The following SPIDR variants were observed in gnomAD, a reference collection of about 807,000 sequenced individuals.
The protein encoded by SPIDR is scaffold protein involved in DNA repair.
A neutral mutation model predicts 104.6 loss-of-function variants in SPIDR; 93 were observed. The observed-to-expected ratio is 0.89, with a 90% CI of 0.75 to 1.06. The LOEUF is 1.06. Ranked by LOEUF, SPIDR falls within the 50% of genes least tolerant of loss-of-function variation. The pLI, the probability that SPIDR is intolerant of heterozygous loss-of-function variation, is 0.00. For missense variants in SPIDR, 1,154 were observed against 1,111.2 expected, an observed-to-expected ratio of 1.04 and a Z score of -0.55; for synonymous variants, 431 against 416.9, an observed-to-expected ratio of 1.03 and a Z score of -0.41.
At chr8:47,542,917 T>C (rs563089341) in intron 8 of SPIDR, among the ~76,000 whole-genome samples, 60 of 152,388 alleles carry the variant, frequency 3.9e-4, no homozygotes, top group Non-Finnish European at 6.8e-4. Flanking sequence ...ATTTCAATAA[T>C]GCTATGGAAA....
chr8:47,433,778 C>G (rs2067778006), intron 7 of SPIDR, among the ~76,000 whole-genome samples: 1 of 152,182 alleles, frequency 6.6e-6, no homozygotes, highest in Non-Finnish European at 1.5e-5. Context: ...TGGAGTCAGA[C>G]TATGGCTGGA....
chr8:47,412,783 C>T (rs2063718927), intron 7 of SPIDR, among the ~76,000 whole-genome samples: 2 of 152,180 alleles, frequency 1.3e-5, no homozygotes, highest in Non-Finnish European at 2.9e-5. Flanking sequence ...ATGTGAATGA[C>T]CTGGAACTGG....
intron 8 of SPIDR, among the ~76,000 whole-genome samples, chr8:47,504,299 C>T (rs1041144248): frequency 1.3e-5 from 2 of 152,216 alleles, no homozygotes; most frequent in East Asian, 1.9e-4. Flanking sequence ...GGTCTTTTCA[C>T]ATAGTCCCAT....
At chr8:47,293,813 T>C in intron 4 of SPIDR, 54 bp from the exon 5 acceptor site, 2 of 1,513,738 alleles carry the variant, frequency 1.3e-6, no homozygotes, top group Non-Finnish European at 1.8e-6. Flanking sequence ...AAAAGAGATA[T>C]AAAAGTGAAA....
chr8:47,527,604 A>G (rs1461859723), intron 8 of SPIDR: 2 of 152,264 alleles, frequency 1.3e-5, no homozygotes, highest in Non-Finnish European at 2.9e-5. Context: ...CACTCTAGCA[A>G]ACAATAAAGA....
At chr8:47,522,795 A>G (rs1165138167) in intron 8 of SPIDR, among the ~76,000 whole-genome samples, 1 of 152,038 alleles carries the variant, frequency 6.6e-6, no homozygotes, top group Non-Finnish European at 1.5e-5. Flanking sequence ...TTGGTTTTGG[A>G]TAGGTTTTAT....
intron 7 of SPIDR, among the ~76,000 whole-genome samples, chr8:47,439,836 A>G (rs570200319): frequency 6.6e-6 from 1 of 152,120 alleles, no homozygotes; most frequent in Non-Finnish European, 1.5e-5. Flanking sequence ...AGTCCACATA[A>G]CTCTTCAACT....
At chr8:47,589,021 TG>T (rs1396367769) in intron 8 of SPIDR, among the ~76,000 whole-genome samples, 50 of 144,770 alleles carry the variant, frequency 3.5e-4, no homozygotes, top group African/African-American at 1.0e-3. Flanking sequence ...GTTTATAGTT[TG>T]TTTTTTTTTT....
intron 1 of SPIDR, among the ~76,000 whole-genome samples, chr8:47,265,176 C>T (rs1554545630): frequency 1.4e-5 from 2 of 146,936 alleles, no homozygotes; most frequent in African/African-American, 5.1e-5. Context: ...TTAGTATTGA[C>T]ATCTCAGTTG....
chr8:47,638,783 C>T (rs536205603), intron 10 of SPIDR, among the ~76,000 whole-genome samples: 1 of 152,320 alleles, frequency 6.6e-6, no homozygotes, highest in East Asian at 1.9e-4. Flanking sequence ...ACTCCCTGTG[C>T]CATTCCAGAT....
chr8:47,608,153 C>G (rs894666079), intron 10 of SPIDR, among the ~76,000 whole-genome samples: 9 of 152,164 alleles, frequency 5.9e-5, no homozygotes. Flanking sequence ...TACTTTTTGT[C>G]GCTACAGATT....
chr8:47,300,038 C>T (rs2041754453), intron 5 of SPIDR, among the ~76,000 whole-genome samples: 2 of 152,194 alleles, frequency 1.3e-5, no homozygotes, highest in South Asian at 2.1e-4. Flanking sequence ...ACCAGCTCCT[C>T]TTTGTACCTC....
intron 7 of SPIDR, among the ~76,000 whole-genome samples, chr8:47,436,133 G>A (rs980903911): frequency 6.6e-6 from 1 of 152,170 alleles, no homozygotes; most frequent in Non-Finnish European, 1.5e-5. Flanking sequence ...TGGTACATTT[G>A]CTGTGTTTGC....
intron 16 of SPIDR, among the ~76,000 whole-genome samples, chr8:47,721,162 T>TA (rs1324026642): frequency 1.3e-5 from 2 of 152,240 alleles, no homozygotes; most frequent in Non-Finnish European, 2.9e-5. Flanking sequence ...GTGTTACATC[T>TA]AAAAACTCAT....
intron 8 of SPIDR, among the ~76,000 whole-genome samples, chr8:47,546,053 C>G (rs2089307333): frequency 1.3e-5 from 2 of 152,098 alleles, no homozygotes; most frequent in Admixed American, 1.3e-4. Flanking sequence ...CATCTATATT[C>G]ATAAAGCATA....
intron 5 of SPIDR, chr8:47,357,896 T>G: frequency 1.0e-6 from 1 of 982,368 alleles, no homozygotes; most frequent in Non-Finnish European, 1.2e-6. Context: ...TGGAGAGCAT[T>G]AAATAAGAAG....
At chr8:47,603,999 G>A (rs1239428860) in intron 10 of SPIDR, among the ~76,000 whole-genome samples, 1 of 152,134 alleles carries the variant, frequency 6.6e-6, no homozygotes, top group African/African-American at 2.4e-5. Flanking sequence ...CCCTGGACCA[G>A]GTCCTGGGCC....
At chr8:47,716,391 G>C (rs1481936042) in intron 16 of SPIDR, among the ~76,000 whole-genome samples, 1 of 152,088 alleles carries the variant, frequency 6.6e-6, no homozygotes, top group Non-Finnish European at 1.5e-5. Flanking sequence ...TTCCATTGTT[G>C]CTTTCACATT....
At position 47,649,141 on chromosome 8, in the gene SPIDR, G is replaced by A. The variant is rs191398582; in HGVS notation, c.1545-24660G>A. Among the ~76,000 whole-genome samples, 44 of 152,194 alleles carry A rather than the reference G, an allele frequency of 2.9e-4. No individual in the cohort carries two copies. The East Asian group carries it at 5.6e-3, about 19-fold the overall frequency. ...ACCTATAGTCCCAGCCACTCAGGACGCTGAGGTGAGAGGATCACTGGAGCC... is the reference window on the plus strand; with the variant it reads ...ACCTATAGTCCCAGCCACTCAGGACACTGAGGTGAGAGGATCACTGGAGCC... On this transcript the variant is annotated intron_variant, in intron 10 of 19. Transcript: ENST00000297423.
Sources: gnomAD v4.1 joint callset for allele counts (sites outside exome capture counted in the v4.1 genomes callset) on GRCh38, gnomAD v4.1.1 for gene constraint, MANE v1.5 for transcripts, NCBI Gene and HGNC (gene_info 2026-07-23, HGNC 2026-07-21) for gene names.